Variants in SCAPER observed in about 807,000 individuals in gnomAD.
SCAPER encodes S phase cyclin A-associated protein in the endoplasmic reticulum.
Under a neutral mutation model 182.2 loss-of-function variants are expected in SCAPER, and 98 were observed. That is an observed-to-expected ratio of 0.54 (90% CI 0.46 to 0.64). The LOEUF (loss-of-function observed/expected upper bound fraction) is 0.64, where lower values mean the gene tolerates loss of function less well. Ranked by LOEUF, SCAPER falls within the 30% of genes least tolerant of loss-of-function variation. SCAPER has a pLI of 0.00. For missense variants in SCAPER, 1,432 were observed against 1,690.0 expected (o/e 0.85, Z 2.68); for synonymous variants, 605 against 564.6 (o/e 1.07, Z -1.01).
chr15:76,589,521 G>A (rs1232868025), intron 22 of SCAPER, among the ~76,000 whole-genome samples: 1 of 152,152 alleles, frequency 6.6e-6, no homozygotes, highest in Admixed American at 6.5e-5. Flanking sequence ...AAAGGCTGGT[G>A]TCACTCCCAC....
intron 26 of SCAPER, among the ~76,000 whole-genome samples, chr15:76,407,245 A>G (rs187663298): frequency 5.9e-5 from 9 of 152,332 alleles, no homozygotes; most frequent in African/African-American, 2.2e-4. Flanking sequence ...GGCTACAAAC[A>G]TATACAGTAT....
chr15:76,397,017 T>G (rs1369694474), intron 27 of SCAPER, among the ~76,000 whole-genome samples: 1 of 151,814 alleles, frequency 6.6e-6, no homozygotes, highest in East Asian at 1.9e-4. Flanking sequence ...GTTTTTTTTT[T>G]TTTTTTTTTT....
At chr15:76,429,469 G>T (rs760397267) in intron 26 of SCAPER, among the ~76,000 whole-genome samples, 10 of 152,106 alleles carry the variant, frequency 6.6e-5, no homozygotes, top group Non-Finnish European at 1.0e-4. Flanking sequence ...GCTGATAATG[G>T]TAACGACAAT....
intron 22 of SCAPER, among the ~76,000 whole-genome samples, chr15:76,619,805 C>T (rs2051852243): frequency 1.3e-5 from 2 of 152,202 alleles, no homozygotes; most frequent in South Asian, 4.2e-4. Context: ...AGGTCGGGCA[C>T]GATGGCTCAT....
intron 4 of SCAPER, among the ~76,000 whole-genome samples, chr15:76,854,981 T>A (rs12905804): frequency 0.96 from 144,917 of 150,598 alleles, 69,956 homozygotes; most frequent in East Asian, 1. Flanking sequence ...CAAAAAAAAA[T>A]ACAAAAAACA....
intron 28 of SCAPER, among the ~76,000 whole-genome samples, chr15:76,379,181 A>C (rs530848859): frequency 6.6e-6 from 1 of 152,344 alleles, no homozygotes; most frequent in East Asian, 1.9e-4. Flanking sequence ...ATGCTGATGA[A>C]GAGTCAGAAA....
intron 28 of SCAPER, chr15:76,380,730 A>C (rs145630443): frequency 1.3e-5 from 2 of 152,188 alleles, no homozygotes; most frequent in East Asian, 3.9e-4. Context: ...AATTTCCTAC[A>C]TGAAAAAAAA....
At chr15:76,540,524 ATTTTTATTTTTT>A (rs1466699518) in intron 23 of SCAPER, among the ~76,000 whole-genome samples, 2 of 152,120 alleles carry the variant, frequency 1.3e-5, no homozygotes, top group Non-Finnish European at 1.5e-5. Flanking sequence ...ACACGTCTAT[ATTTTTATTTTTT>A]TAATAAAAAT....
chr15:76,790,230 CAA>C (rs34503482), intron 8 of SCAPER, among the ~76,000 whole-genome samples: 101 of 140,524 alleles, frequency 7.2e-4, no homozygotes, highest in Non-Finnish European at 8.1e-4. Context: ...GACTCCATCT[CAA>C]AAAAAAAAAA....
intron 21 of SCAPER, among the ~76,000 whole-genome samples, chr15:76,648,189 T>A (rs1193686214): frequency 8.2e-5 from 12 of 145,648 alleles, no homozygotes; most frequent in South Asian, 2.1e-4. Context: ...AATGAAAACA[T>A]AAAAAAAAAA....
At chr15:76,532,465 G>A (rs2043761659) in intron 23 of SCAPER, among the ~76,000 whole-genome samples, 1 of 151,928 alleles carries the variant, frequency 6.6e-6, no homozygotes, top group Non-Finnish European at 1.5e-5. Flanking sequence ...GCCTCCCAAA[G>A]TGCTGGGATT....
chr15:76,525,124 C>G (rs143018788), intron 23 of SCAPER, among the ~76,000 whole-genome samples: 16 of 152,096 alleles, frequency 1.1e-4, no homozygotes, highest in African/African-American at 2.9e-4. Context: ...ACATCATTAG[C>G]CCCATCTTAG....
At chr15:76,890,311 T>A (rs1224953427) in intron 1 of SCAPER, among the ~76,000 whole-genome samples, 1 of 151,876 alleles carries the variant, frequency 6.6e-6, no homozygotes, top group Non-Finnish European at 1.5e-5. Flanking sequence ...AAGAAATAAC[T>A]AAGATCAGAG....
At position 76,667,707 on chromosome 15, in the gene SCAPER, C is replaced by T. The variant is rs552334848; in HGVS notation, c.2509-1918G>A. 1.3e-3 allele frequency among the ~76,000 whole-genome samples: 179 copies of T among 135,216 alleles called. 1 individual carries two copies. Among genetic ancestry groups the T allele is most frequent in the Non-Finnish European group, 2.2e-3 (141 of 64,900 alleles). The allele number at this position is 135,216 out of a possible 152,430, so 88.7% of individuals were successfully genotyped here. On this transcript the variant is annotated intron_variant, in intron 20 of 31. Coordinates refer to ENST00000563290, the MANE Select transcript of SCAPER (RefSeq NM_020843.4). ...CAGCTCAACACCTGTAATCCCAAAACTTTGGGAAGCCAAGGTGGGAGGATC... is the reference window on the plus strand; with the variant it reads ...CAGCTCAACACCTGTAATCCCAAAATTTTGGGAAGCCAAGGTGGGAGGATC...
chr15:76,516,925 C>A (rs1027526601), intron 23 of SCAPER, among the ~76,000 whole-genome samples: 4 of 152,188 alleles, frequency 2.6e-5, no homozygotes, highest in African/African-American at 9.7e-5. Context: ...GCTATCTTCA[C>A]ATATAAGTCC....
At chr15:76,424,803 G>A (rs1435614955) in intron 26 of SCAPER, among the ~76,000 whole-genome samples, 1 of 152,152 alleles carries the variant, frequency 6.6e-6, no homozygotes, top group Non-Finnish European at 1.5e-5. Context: ...ACTCTTGTAG[G>A]GGAGGCCTGG....
At chr15:76,389,524 A>G (rs1250510528) in intron 27 of SCAPER, among the ~76,000 whole-genome samples, 1 of 147,710 alleles carries the variant, frequency 6.8e-6, no homozygotes, top group South Asian at 2.1e-4. Flanking sequence ...AAAAAAAAAA[A>G]AAAAAAAGGC....
intron 22 of SCAPER, among the ~76,000 whole-genome samples, chr15:76,613,023 T>C (rs1278298098): frequency 6.6e-6 from 1 of 152,158 alleles, no homozygotes. Context: ...CTTCAAACTA[T>C]ACTACAGGGC....
chr15:76,475,615 C>A (rs2143007429), intron 24 of SCAPER, among the ~76,000 whole-genome samples: 1 of 152,252 alleles, frequency 6.6e-6, no homozygotes, highest in South Asian at 2.1e-4. Flanking sequence ...GCCCCATCAG[C>A]TTTTAATTTT....
Sources: allele counts gnomAD v4.1 joint callset (sites outside exome capture counted in the v4.1 genomes callset), GRCh38; gene constraint gnomAD v4.1.1; transcripts MANE v1.5; gene names NCBI Gene and HGNC (gene_info 2026-07-23, HGNC 2026-07-21).